Variants in TNS1 observed in about 807,000 individuals in gnomAD.
TNS1 encodes tensin 1.
Under a neutral mutation model 168.6 loss-of-function variants are expected in TNS1, and 62 were observed. The ratio of observed to expected loss-of-function variants is 0.37; its 90% CI spans 0.30 to 0.45. TNS1 has a LOEUF of 0.45. Ranked by LOEUF, TNS1 falls within the 20% of genes least tolerant of loss-of-function variation. TNS1 has a pLI of 1.00. For synonymous variants in TNS1, 934 were observed against 933.2 expected (o/e 1.00, Z -0.02); for missense variants, 2,240 against 2,339.4 (o/e 0.96, Z 0.88).
intron 1 of TNS1, among the ~76,000 whole-genome samples, chr2:218,009,155 G>A (rs1340938218): frequency 1.3e-5 from 2 of 152,164 alleles, no homozygotes; most frequent in Non-Finnish European, 2.9e-5. Flanking sequence ...CGTGTGACAG[G>A]GGACCGTCCC....
rs112142948 is a variant in TNS1 at position 217,894,921 on chromosome 2, C to A, written c.594+85G>T. 310 of 1,338,548 alleles carry A rather than the reference C, an allele frequency of 2.3e-4. 2 individuals carry two copies. In the African/African-American group the frequency reaches 3.9e-3, roughly 17 times the overall value. The allele number at this position is 1,338,548 out of a possible 1,614,324, so 82.9% of individuals were successfully genotyped here. On this transcript the variant is annotated intron_variant, in intron 9 of 32. Coordinates refer to ENST00000682258, the MANE Select transcript of TNS1 (RefSeq NM_001387777.1). ...TCTGACAAACTGTCACAGCATTTTC[C>A]CCAAGATTATTATGTGGGAACTCCA... is the stretch of plus-strand genomic sequence containing the variant.
intron 15 of TNS1, among the ~76,000 whole-genome samples, 157 bp from the exon 16 acceptor site, chr2:217,885,321 G>A (rs1951092044): frequency 6.6e-6 from 1 of 152,246 alleles, no homozygotes; most frequent in Admixed American, 6.5e-5. Context: ...TCAGAGTTCT[G>A]TGGGGAAACT....
At chr2:217,810,112 T>C (rs896874493) in intron 29 of TNS1, 121 bp from the exon 30 acceptor site, 67 of 1,435,434 alleles carry the variant, frequency 4.7e-5, no homozygotes, top group Non-Finnish European at 6.0e-5. Flanking sequence ...AGCCAAGGCA[T>C]CTGCACATAG....
intron 3 of TNS1, among the ~76,000 whole-genome samples, chr2:217,967,105 G>A (rs989469786): frequency 6.6e-6 from 1 of 152,152 alleles, no homozygotes; most frequent in Non-Finnish European, 1.5e-5. Flanking sequence ...GGATCACGAG[G>A]TCAGGAGATC....
intron 13 of TNS1, 87 bp downstream of exon 13, chr2:217,886,447 T>C (rs913971127): frequency 2.6e-5 from 28 of 1,095,408 alleles, no homozygotes; most frequent in African/African-American, 2.5e-4. Flanking sequence ...GGCTGTCTGT[T>C]ACTACCCAAG....
At chr2:217,835,459 A>G (rs1189674192) in intron 20 of TNS1, among the ~76,000 whole-genome samples, 3 of 152,226 alleles carry the variant, frequency 2.0e-5, no homozygotes, top group Non-Finnish European at 4.4e-5. Flanking sequence ...TCCAGGGCAC[A>G]CATTTAAAAT....
chr2:217,905,307 C>T (rs778661455), intron 6 of TNS1: 3 of 405,858 alleles, frequency 7.4e-6, no homozygotes, highest in Non-Finnish European at 1.5e-5. Context: ...TTGAGCAGAA[C>T]CTTCCCCACT....
intron 3 of TNS1, among the ~76,000 whole-genome samples, chr2:217,946,945 T>G: frequency 7.6e-6 from 1 of 131,012 alleles, no homozygotes. Context: ...TCGCTCTCTC[T>G]CTCTCTCTCT....
chr2:218,006,372 G>A (rs2105991474), upstream of TNS1, among the ~76,000 whole-genome samples: 1 of 152,328 alleles, frequency 6.6e-6, no homozygotes, highest in East Asian at 1.9e-4. Context: ...CTTCTGCGAT[G>A]ACACGAGTTT....
At chr2:217,989,229 G>A (rs770019103) in intron 2 of TNS1, among the ~76,000 whole-genome samples, 13 of 152,342 alleles carry the variant, frequency 8.5e-5, no homozygotes, top group Non-Finnish European at 1.6e-4. Context: ...TCTGTACTCT[G>A]TCTTGGGGAT....
chr2:217,850,240 C>A (rs954355174), intron 18 of TNS1: 6 of 985,276 alleles, frequency 6.1e-6, no homozygotes, highest in African/African-American at 1.7e-5. Context: ...TGGGGCTCAG[C>A]CAAGCCAACA....
rs1056417139 is a variant in TNS1, at chr2:217,999,426, C to T, written c.33+3414G>A. ...GTGAAACTACTTGCCTATGGTCACACAGCTGTCAAGTGACAGGCCCGGGAT... is the reference window on the plus strand; with the variant it reads ...GTGAAACTACTTGCCTATGGTCACATAGCTGTCAAGTGACAGGCCCGGGAT... On this transcript the variant is annotated intron_variant, in intron 1 of 32. Coordinates refer to ENST00000682258, the MANE Select transcript of TNS1 (RefSeq NM_001387777.1). Among the ~76,000 whole-genome samples the T allele has an allele frequency of 9.2e-5, 14 of 152,262 alleles. No homozygotes were observed. The East Asian group carries it at 1.3e-3, about 15-fold the overall frequency.
intron 19 of TNS1, among the ~76,000 whole-genome samples, chr2:217,843,194 C>T (rs904914582): frequency 3.3e-5 from 5 of 151,788 alleles, no homozygotes; most frequent in Admixed American, 6.6e-5. Context: ...TCAATATTTC[C>T]CTCTATCTTT....
intron 3 of TNS1, among the ~76,000 whole-genome samples, chr2:217,952,401 T>A (rs990014218): frequency 6.6e-6 from 1 of 152,174 alleles, no homozygotes; most frequent in African/African-American, 2.4e-5. Context: ...CACTATGTCA[T>A]ATTGCCTCTA....
intron 2 of TNS1, among the ~76,000 whole-genome samples, chr2:217,987,601 C>T (rs1439692544): frequency 6.6e-6 from 1 of 152,250 alleles, no homozygotes; most frequent in Non-Finnish European, 1.5e-5. Flanking sequence ...AGCTTCCTCA[C>T]TGCCCCCTGC....
chr2:217,940,441 C>T (rs1411391883), intron 3 of TNS1, among the ~76,000 whole-genome samples: 2 of 152,180 alleles, frequency 1.3e-5, no homozygotes, highest in Admixed American at 6.5e-5. Flanking sequence ...CTTTGCCTGT[C>T]CCCCTCGCTC....
chr2:217,897,108 C>A (rs1952390713), intron 8 of TNS1, among the ~76,000 whole-genome samples: 1 of 152,192 alleles, frequency 6.6e-6, no homozygotes, highest in Non-Finnish European at 1.5e-5. Context: ...TGGGGACAGC[C>A]ACCTGAGGTT....
At chr2:218,028,024 G>T (rs1046567937) in intron 1 of TNS1, among the ~76,000 whole-genome samples, 1 of 152,212 alleles carries the variant, frequency 6.6e-6, no homozygotes, top group Non-Finnish European at 1.5e-5. Flanking sequence ...AAAGGATGCT[G>T]GTAGGAAGGC....
rs1230223190 is a variant in TNS1 at position 218,033,853 on chromosome 2, C to T, written c.123G>A (p.Leu41=). 6.6e-6 allele frequency among the ~76,000 whole-genome samples: 1 copy of T among 152,216 alleles called. No homozygotes were observed. The highest frequency in any genetic ancestry group is 1.9e-4 in the East Asian group (1 of 5,190). ...GTAGCTGCCTTCTCTCTGCACAGGC[C>T]AAACCCCCGGACTCCCAGCACTCAG... The change falls in exon 1 of 2, where the codon TTG becomes TTA. Residue 41 remains leucine (L), a synonymous_variant. Transcript: ENST00000649572. This position sits in a 1 kb window ranked among gnomAD's most constrained non-coding sequence, Gnocchi z 4.3.
Sources: allele counts gnomAD v4.1 joint callset (sites outside exome capture counted in the v4.1 genomes callset), GRCh38; gene constraint gnomAD v4.1.1; non-coding constraint Gnocchi (gnomAD v3.1); transcripts MANE v1.5; gene names NCBI Gene and HGNC (gene_info 2026-07-23, HGNC 2026-07-21).